Variants in JAKMIP3 observed in about 807,000 individuals in gnomAD.
The protein encoded by JAKMIP3 is Janus kinase and microtubule interacting protein 3.
A neutral mutation model predicts 118.5 loss-of-function variants in JAKMIP3; 58 were observed. The observed-to-expected ratio is 0.49, with a 90% CI of 0.40 to 0.61. The LOEUF (loss-of-function observed/expected upper bound fraction) is 0.61. Ranked by LOEUF, JAKMIP3 falls within the 20% of genes least tolerant of loss-of-function variation. JAKMIP3 has a pLI of 0.00. For missense variants in JAKMIP3, 950 were observed against 1,109.0 expected, an observed-to-expected ratio of 0.86 and a Z score of 2.04; for synonymous variants, 486 against 451.2, an observed-to-expected ratio of 1.08 and a Z score of -0.98.
chr10:132,126,403 A>G (rs2049555972), intron 3 of JAKMIP3, among the ~76,000 whole-genome samples: 1 of 151,930 alleles, frequency 6.6e-6, no homozygotes, highest in South Asian at 2.1e-4. Context: ...CCCAGGCTCA[A>G]GTGATCCTCC....
At chr10:132,045,016 T>C (rs1426477249) in intron 1 of JAKMIP3, among the ~76,000 whole-genome samples, 2 of 152,128 alleles carry the variant, frequency 1.3e-5, no homozygotes, top group Non-Finnish European at 2.9e-5. Flanking sequence ...GGGGGCTCCA[T>C]GTTTCAGTCT....
At chr10:132,107,485 C>T (rs951548536) in intron 2 of JAKMIP3, among the ~76,000 whole-genome samples, 7 of 152,208 alleles carry the variant, frequency 4.6e-5, no homozygotes, top group African/African-American at 1.7e-4. Context: ...AGGATGTGCT[C>T]TCTTGGCACA....
intron 23 of JAKMIP3, chr10:132,169,783 G>C (rs1448412736): frequency 2.0e-5 from 3 of 152,478 alleles, no homozygotes; most frequent in Admixed American, 2.0e-4. Flanking sequence ...GAAAATGGGA[G>C]GGGGAGGAGG....
upstream of JAKMIP3, among the ~76,000 whole-genome samples, chr10:132,060,286 G>T (rs1319451261): frequency 6.6e-6 from 1 of 152,178 alleles, no homozygotes; most frequent in Non-Finnish European, 1.5e-5. Flanking sequence ...TGCCCGGCCG[G>T]GAGGTGATGA....
In JAKMIP3 at chr10:132,157,610, G is replaced by A. The variant is rs562797093; in HGVS notation, c.2220+3620G>A. On this transcript the variant is annotated intron_variant, in intron 19 of 23. Transcript: ENST00000684848. ...AACTTCCACTGCATGATATGCAGCC[G>A]CCTGGTGCAGTCCTAGCAGGCATGT... Among the ~76,000 whole-genome samples, 23 of 152,268 alleles carry A rather than the reference G, an allele frequency of 1.5e-4. No homozygotes were observed. The South Asian group carries it at 2.7e-3, about 18-fold the overall frequency.
chr10:132,133,830 C>T (rs996606729), intron 4 of JAKMIP3, among the ~76,000 whole-genome samples: 1 of 152,232 alleles, frequency 6.6e-6, no homozygotes, highest in Non-Finnish European at 1.5e-5. Flanking sequence ...CACTTGCTGG[C>T]CCGGAGTCCG....
intron 1 of JAKMIP3, among the ~76,000 whole-genome samples, chr10:132,079,915 C>CA (rs2041500880): frequency 6.6e-6 from 1 of 152,254 alleles, no homozygotes; most frequent in African/African-American, 2.4e-5. Context: ...ATTCATCTGT[C>CA]AAGGGACATT....
At chr10:132,059,828 T>C (rs2038343328), upstream of JAKMIP3, among the ~76,000 whole-genome samples, 1 of 152,214 alleles carries the variant, frequency 6.6e-6, no homozygotes, top group Non-Finnish European at 1.5e-5. Flanking sequence ...TTCCCAGATA[T>C]AAGCTGACTT....
rs1291517271 is a variant in JAKMIP3 at position 132,182,723 on chromosome 10, A to G, written c.*1470A>G. 1 of 152,238 alleles carries G rather than the reference A, an allele frequency of 6.6e-6. No homozygotes were observed. The highest frequency in any genetic ancestry group is 2.4e-5 in the African/African-American group (1 of 41,450). The allele number at this position is 152,238 out of a possible 1,614,324, so 9.4% of individuals were successfully genotyped here. A position where few individuals can be genotyped will look rare whatever the true frequency, so the allele number is the denominator to read the frequency against. ...ATAAAAGACACGACTCAGCTGCCGT[A>G]GGGAGGACTGGGTTGTCTGGAAGTA... On this transcript the variant is annotated 3_prime_UTR_variant, in exon 24 of 24. Transcript: ENST00000684848.
At position 132,097,972 on chromosome 10, in the gene JAKMIP3, T is replaced by TCCCCG. The variant is rs2044231723; in HGVS notation, c.-137-6700_-137-6699insCCCCG. On this transcript the variant is annotated intron_variant, in intron 1 of 23. Coordinates refer to ENST00000684848, the MANE Select transcript of JAKMIP3 (RefSeq NM_001323087.2). ...CCCATCCCCTTTCCCTTTCCTTCCT[T>TCCCCG]TTCTCCCCTTCCCCTTCCCCTTCCC... is the stretch of plus-strand genomic sequence containing the variant. Among the ~76,000 whole-genome samples the TCCCCG allele has an allele frequency of 9.3e-5, 2 of 21,516 alleles. 1 individual carries two copies. Among genetic ancestry groups the TCCCCG allele is most frequent in the African/African-American group, 2.5e-4 (2 of 7,912 alleles). 14.1% of individuals were successfully genotyped at this position (21,516 alleles called of 152,430 possible).
intron 22 of JAKMIP3, among the ~76,000 whole-genome samples, chr10:132,167,548 C>T (rs918348473): frequency 6.6e-6 from 1 of 152,180 alleles, no homozygotes; most frequent in Non-Finnish European, 1.5e-5. Flanking sequence ...CTGGAGTCTA[C>T]AGGTCATGGC....
chr10:132,117,170 A>G lies in JAKMIP3; in HGVS notation c.229A>G (p.Thr77Ala). The change falls in exon 3 of 24, where the codon ACA (threonine) becomes GCA (alanine). Residue 77 changes from threonine (T) to alanine (A), a missense_variant. Thr to Ala is a moderately conservative substitution (Grantham distance 58, BLOSUM62 0). Coordinates refer to ENST00000684848, the MANE Select transcript of JAKMIP3 (RefSeq NM_001323087.2). This position sits in a 1 kb window ranked among gnomAD's most constrained non-coding sequence, Gnocchi z 8.6. ...KTAVLLTELK[T>A]KLHEEKMKEL... is the part of the protein sequence containing the mutation. ...CGCGGTCTTGCTCACGGAGCTCAAG[A>G]CAAAGCTGCACGAGGAGAAGATGAA... 1 of 1,613,902 alleles carries G rather than the reference A, an allele frequency of 6.2e-7. No homozygotes were observed. The highest frequency in any genetic ancestry group is 8.5e-7 in the Non-Finnish European group (1 of 1,179,904).
At chr10:132,067,800 GTGGACTGTGGGCTTCCGTGTGGAC>G (rs1287707521) in intron 1 of JAKMIP3, among the ~76,000 whole-genome samples, 2 of 146,266 alleles carry the variant, frequency 1.4e-5, no homozygotes, top group Non-Finnish European at 3.0e-5. Flanking sequence ...GGGCTTCCGT[GTGGACTGTGGGCTTCCGTGTGGAC>G]TGGACTGTGG....
intron 2 of JAKMIP3, among the ~76,000 whole-genome samples, chr10:132,113,103 C>T (rs1380823950): frequency 6.6e-6 from 1 of 152,212 alleles, no homozygotes; most frequent in Admixed American, 6.5e-5. Context: ...TCAGGGCTCA[C>T]TAGCCACTCT....
In JAKMIP3 at chr10:132,167,895, C is replaced by G. The variant is rs1461060585; in HGVS notation, c.*23-58C>G. On this transcript the variant is annotated intron_variant, in intron 22 of 23. Coordinates refer to ENST00000684848, the MANE Select transcript of JAKMIP3 (RefSeq NM_001323087.2). ...GCCCCTCGCCCCTCGGCCCTCGCCC[C>G]TCACTCCAGCCAAGCGGAGCCTCGC... 6 of 1,257,558 alleles carry G rather than the reference C, an allele frequency of 4.8e-6. No homozygotes were observed. The African/African-American group carries it at 6.1e-5, about 13-fold the overall frequency. The allele number at this position is 1,257,558 out of a possible 1,614,324, so 77.9% of individuals were successfully genotyped here.
In JAKMIP3 at chr10:132,044,887, T is replaced by C. The variant is rs1465738924; in HGVS notation, c.-138+8149T>C. Among the ~76,000 whole-genome samples, 1 of 149,224 alleles carries C rather than the reference T, an allele frequency of 6.7e-6. No individual in the cohort carries two copies. The highest frequency in any genetic ancestry group is 2.5e-5 in the African/African-American group (1 of 39,946). On this transcript the variant is annotated intron_variant, in intron 1 of 23. Transcript: ENST00000657785. The surrounding 1 kb of genome is among the most constrained non-coding windows in gnomAD (Gnocchi z 5.3). ...TAGAATCATGGTATTTGTGCGTGTG[T>C]GTGACTGGCGTGCTTCACCGTGTTG...
chr10:132,157,590 C>T (rs1382359685), intron 19 of JAKMIP3, among the ~76,000 whole-genome samples: 1 of 152,226 alleles, frequency 6.6e-6, no homozygotes, highest in African/African-American at 2.4e-5. Flanking sequence ...GCCCAAACTT[C>T]CACTGCATGA....
At chr10:132,103,723 C>G (rs531056292) in intron 1 of JAKMIP3, among the ~76,000 whole-genome samples, 1 of 152,154 alleles carries the variant, frequency 6.6e-6, no homozygotes, top group Admixed American at 6.5e-5. Flanking sequence ...TGGTGCCTGT[C>G]CGTGGCCTGT....
intron 1 of JAKMIP3, 150 bp from the exon 2 acceptor site, chr10:132,104,522 C>A: frequency 2.4e-6 from 1 of 412,102 alleles, no homozygotes; most frequent in Non-Finnish European, 4.5e-6. Context: ...AGGTCTGGGG[C>A]TGGTTCCCTG....
Sources: gnomAD v4.1 joint callset for allele counts (sites outside exome capture counted in the v4.1 genomes callset) on GRCh38, gnomAD v4.1.1 for gene constraint, Gnocchi (gnomAD v3.1) non-coding constraint, MANE v1.5 for transcripts, NCBI Gene and HGNC (gene_info 2026-07-23, HGNC 2026-07-21) for gene names.